The following CNTNAP5 variants were observed in gnomAD, a reference collection of about 807,000 sequenced individuals.
The protein encoded by CNTNAP5 is contactin-associated protein-like 5.
CNTNAP5 carries 72 observed loss-of-function variants against 150.2 expected under a neutral mutation model. The ratio of observed to expected loss-of-function variants is 0.48; its 90% CI spans 0.40 to 0.58. The LOEUF (loss-of-function observed/expected upper bound fraction) is 0.58, where lower values mean the gene tolerates loss of function less well. Among genes scored for constraint, CNTNAP5 ranks in the 20% least tolerant of loss-of-function variants. The probability of loss-of-function intolerance (pLI) is 0.00; values close to 1 mark genes in which losing one functional copy is unlikely to be tolerated. For synonymous variants in CNTNAP5, 672 were observed against 619.8 expected, an observed-to-expected ratio of 1.08 and a Z score of -1.25; for missense variants, 1,636 against 1,626.2, an observed-to-expected ratio of 1.01 and a Z score of -0.10.
At chr2:124,052,808 C>T (rs1681735030) in intron 1 of CNTNAP5, among the ~76,000 whole-genome samples, 1 of 152,200 alleles carries the variant, frequency 6.6e-6, no homozygotes, top group Non-Finnish European at 1.5e-5. Context: ...ATTAGGTCTG[C>T]ATTTTGTATT....
intron 1 of CNTNAP5, among the ~76,000 whole-genome samples, chr2:124,125,475 C>G (rs1419015635): frequency 6.6e-6 from 1 of 152,178 alleles, no homozygotes; most frequent in Non-Finnish European, 1.5e-5. Context: ...GAGACGTTAA[C>G]AGCCCACTGT....
At chr2:124,875,762 A>G (rs1357698559) in intron 21 of CNTNAP5, among the ~76,000 whole-genome samples, 1 of 144,020 alleles carries the variant, frequency 6.9e-6, no homozygotes, top group Non-Finnish European at 1.5e-5. Context: ...CTGTAAGTGT[A>G]ACTTCCAGGG....
At chr2:124,726,827 T>A in intron 13 of CNTNAP5, among the ~76,000 whole-genome samples, 1 of 152,144 alleles carries the variant, frequency 6.6e-6, no homozygotes, top group South Asian at 2.1e-4. Context: ...AATTTAAGCA[T>A]ATTTTTATTT....
intron 6 of CNTNAP5, among the ~76,000 whole-genome samples, chr2:124,451,191 A>C (rs1264232334): frequency 2.0e-5 from 3 of 150,484 alleles, no homozygotes; most frequent in African/African-American, 7.3e-5. Context: ...GATACTGAAA[A>C]GGCATTTTAC....
intron 11 of CNTNAP5, among the ~76,000 whole-genome samples, chr2:124,566,785 A>G (rs979658610): frequency 6.6e-6 from 1 of 152,212 alleles, no homozygotes; most frequent in Admixed American, 6.5e-5. Flanking sequence ...TCATTTTGCA[A>G]ACCAAGTGAT....
chr2:124,204,300 C>T (rs941666855), intron 1 of CNTNAP5, among the ~76,000 whole-genome samples: 5 of 152,182 alleles, frequency 3.3e-5, no homozygotes, highest in Admixed American at 3.3e-4. Flanking sequence ...CATCTGAGAC[C>T]ACCTCAGCCT....
chr2:124,172,576 C>A (rs900107871), intron 1 of CNTNAP5, among the ~76,000 whole-genome samples: 2 of 152,114 alleles, frequency 1.3e-5, no homozygotes, highest in African/African-American at 4.8e-5. Flanking sequence ...TCATGCCCAG[C>A]ATTTTTTTAG....
At chr2:124,847,726 G>A (rs187321405) in intron 19 of CNTNAP5, among the ~76,000 whole-genome samples, 23 of 152,214 alleles carry the variant, frequency 1.5e-4, no homozygotes, top group East Asian at 7.8e-4. Flanking sequence ...TCCAAGTGGC[G>A]GCTGCAAGCT....
At chr2:124,902,150 G>T (rs560691370) in intron 21 of CNTNAP5, among the ~76,000 whole-genome samples, 1 of 152,070 alleles carries the variant, frequency 6.6e-6, no homozygotes, top group African/African-American at 2.4e-5. Context: ...AAAAGAAATG[G>T]AATACTGAGT....
chr2:124,276,544 C>G (rs1430046251), intron 3 of CNTNAP5, among the ~76,000 whole-genome samples: 1 of 152,042 alleles, frequency 6.6e-6, no homozygotes, highest in East Asian at 1.9e-4. Context: ...GGATGATGAG[C>G]CCAATCCAAG....
intron 13 of CNTNAP5, among the ~76,000 whole-genome samples, chr2:124,722,731 T>C (rs1680073706): frequency 5.9e-5 from 9 of 152,180 alleles, no homozygotes; most frequent in Admixed American, 5.9e-4. Context: ...GAGGCAGCCT[T>C]GACCCCTGAG....
intron 1 of CNTNAP5, among the ~76,000 whole-genome samples, chr2:124,073,889 A>G (rs573671449): frequency 2.0e-5 from 3 of 152,270 alleles, no homozygotes; most frequent in South Asian, 2.1e-4. Context: ...CTGCATTTCC[A>G]TGTTTATTAC....
At chr2:124,088,382 A>T (rs78059356) in intron 1 of CNTNAP5, among the ~76,000 whole-genome samples, 1 of 151,964 alleles carries the variant, frequency 6.6e-6, no homozygotes, top group Non-Finnish European at 1.5e-5. Context: ...GATTACTGAA[A>T]CATTTTATCA....
At chr2:124,607,637 T>C (rs1677280268) in intron 11 of CNTNAP5, among the ~76,000 whole-genome samples, 1 of 152,210 alleles carries the variant, frequency 6.6e-6, no homozygotes, top group Non-Finnish European at 1.5e-5. Context: ...TGTCCACGCT[T>C]CCACAGGGAG....
At chr2:124,451,043 A>ATATATATAT (rs1452242767) in intron 6 of CNTNAP5, among the ~76,000 whole-genome samples, 2 of 74,844 alleles carry the variant, frequency 2.7e-5, no homozygotes, top group Admixed American at 1.8e-4. Context: ...AAAAAAAAAA[A>ATATATATAT]AAAAAAAAAT....
At chr2:124,471,558 T>C (rs142611251) in intron 6 of CNTNAP5, among the ~76,000 whole-genome samples, 2 of 152,164 alleles carry the variant, frequency 1.3e-5, no homozygotes, top group African/African-American at 4.8e-5. Flanking sequence ...CCTTTTATCT[T>C]TTTCTCTTGC....
intron 1 of CNTNAP5, among the ~76,000 whole-genome samples, chr2:124,047,009 G>A (rs77460869): frequency 0.076 from 11,608 of 152,092 alleles, 591 homozygotes; most frequent in Non-Finnish European, 0.12. Context: ...TTGAGAGAGC[G>A]GCTTGTTCAA....
At chr2:124,220,498 A>C (rs541972831) in intron 1 of CNTNAP5, among the ~76,000 whole-genome samples, 4 of 152,246 alleles carry the variant, frequency 2.6e-5, no homozygotes, top group South Asian at 4.1e-4. Flanking sequence ...GTGTCACCCA[A>C]TGGAAAATAC....
At chr2:124,645,006 G>C (rs1055387154) in intron 12 of CNTNAP5, among the ~76,000 whole-genome samples, 4 of 152,170 alleles carry the variant, frequency 2.6e-5, no homozygotes, top group African/African-American at 9.7e-5. Flanking sequence ...ACAACATTTA[G>C]TATTATAGAT....
Sources: gnomAD v4.1 joint callset for allele counts (sites outside exome capture counted in the v4.1 genomes callset) on GRCh38, gnomAD v4.1.1 for gene constraint, MANE v1.5 for transcripts, NCBI Gene and HGNC (gene_info 2026-07-23, HGNC 2026-07-21) for gene names.